Variants in ASIC2 observed in about 807,000 individuals in gnomAD.
ASIC2 encodes the protein acid-sensing ion channel 2.
In ASIC2, 25 loss-of-function variants were observed where a neutral mutation model predicts 57.3. That is an observed-to-expected ratio of 0.44 (90% confidence interval 0.32 to 0.61). ASIC2 has a LOEUF of 0.61. ASIC2 is among the 20% of genes least tolerant of loss of function. The probability of loss-of-function intolerance (pLI) is 0.06; values close to 1 mark genes in which losing one functional copy is unlikely to be tolerated. For synonymous variants in ASIC2, 319 were observed against 307.5 expected, an observed-to-expected ratio of 1.04 and a Z score of -0.39; for missense variants, 641 against 738.1, an observed-to-expected ratio of 0.87 and a Z score of 1.52.
chr17:33,157,660 TTGCCA>T (rs2142035887), intron 1 of ASIC2, among the ~76,000 whole-genome samples: 1 of 152,304 alleles, frequency 6.6e-6, no homozygotes, highest in South Asian at 2.1e-4. Context: ...TGCAAGCAGG[TTGCCA>T]CCTCCCTGCT....
rs115981705 is a variant in ASIC2, at chr17:33,230,748, C to T, written c.708+60660G>A. The stretch of plus-strand genomic sequence containing the variant: ...AAGATGCAACTTTCTCCAGGAAGAA[C>T]GAAGAAAGCAAAGCCCATGAGAAGA... On this transcript the variant is annotated intron_variant, in intron 1 of 9. Transcript: ENST00000225823. Among the ~76,000 whole-genome samples the T allele has an allele frequency of 4.7e-3, 716 of 152,126 alleles. 5 individuals are homozygous for T. The highest frequency in any genetic ancestry group is 0.016 in the African/African-American group (671 of 41,468).
At chr17:33,380,338 CATG>C (rs775529152) in intron 1 of ASIC2, among the ~76,000 whole-genome samples, 9 of 149,412 alleles carry the variant, frequency 6.0e-5, no homozygotes, top group Non-Finnish European at 7.4e-5. Flanking sequence ...TTATCATGTA[CATG>C]ATGATGATGA....
chr17:33,363,409 T>C (rs1405775608), intron 1 of ASIC2, among the ~76,000 whole-genome samples: 2 of 152,182 alleles, frequency 1.3e-5, no homozygotes, highest in Non-Finnish European at 2.9e-5. Flanking sequence ...TTGCTGCAAA[T>C]GAATGTTAGA....
chr17:33,736,503 G>A (rs928232960), intron 1 of ASIC2, among the ~76,000 whole-genome samples: 1 of 152,164 alleles, frequency 6.6e-6, no homozygotes, highest in Non-Finnish European at 1.5e-5. Flanking sequence ...TGGAGACCGT[G>A]AAGATCCCAG....
At chr17:33,407,882 A>G (rs937264011) in intron 1 of ASIC2, among the ~76,000 whole-genome samples, 2 of 152,158 alleles carry the variant, frequency 1.3e-5, no homozygotes, top group Non-Finnish European at 2.9e-5. Context: ...CCAGGCCAGG[A>G]CAGGGAGTGT....
chr17:34,114,186 C>T (rs1911363005), intron 1 of ASIC2, among the ~76,000 whole-genome samples: 1 of 152,220 alleles, frequency 6.6e-6, no homozygotes, highest in South Asian at 2.1e-4. Context: ...GTTGTCCAAG[C>T]TGGCTGATCC....
At chr17:33,319,296 A>G (rs151038444) in intron 1 of ASIC2, among the ~76,000 whole-genome samples, 49 of 152,348 alleles carry the variant, frequency 3.2e-4, no homozygotes, top group African/African-American at 1.1e-3. Flanking sequence ...CATCTTCAGC[A>G]CTGAGGGAGT....
chr17:33,088,949 T>G lies in ASIC2; in HGVS notation c.901A>C (p.Ser301Arg), dbSNP rs1326553897. 2.5e-6 allele frequency: 4 copies of G among 1,614,156 alleles called. No homozygotes were observed. The highest frequency in any genetic ancestry group is 3.4e-6 in the Non-Finnish European group (4 of 1,179,996). Residue 301 changes from serine to arginine, a missense_variant, in exon 3 of 10, where the codon AGT becomes CGT. Ser to Arg is a moderately radical substitution (Grantham distance 110, BLOSUM62 -1). Transcript: ENST00000225823. ...TGGATGAAAGGTGGCTCAGACTGACTGTGGATCTGAACTTTCACTCCTGCT... is the reference window on the plus strand; with the variant it reads ...TGGATGAAAGGTGGCTCAGACTGACGGTGGATCTGAACTTTCACTCCTGCT... ...FEAGVKVQIH[S>R]QSEPPFIQEL...
In ASIC2 at chr17:34,141,209, G is replaced by A. The variant is rs143844909; in HGVS notation, c.555+14769C>T. Among the ~76,000 whole-genome samples the A allele has an allele frequency of 2.5e-3, 382 of 151,898 alleles. 1 individual carries two copies. Among genetic ancestry groups the A allele is most frequent in the African/African-American group, 8.4e-3 (350 of 41,422 alleles). On this transcript the variant is annotated intron_variant, in intron 1 of 9. Transcript: ENST00000359872. ...AAAATCAAGGTAAAACAGAAACATTGTAAGAATAAAGACAGAGTAAGGGGA... is the reference window on the plus strand; with the variant it reads ...AAAATCAAGGTAAAACAGAAACATTATAAGAATAAAGACAGAGTAAGGGGA...
chr17:33,748,431 C>A (rs1398788844), intron 1 of ASIC2, among the ~76,000 whole-genome samples: 1 of 152,210 alleles, frequency 6.6e-6, no homozygotes, highest in Non-Finnish European at 1.5e-5. Flanking sequence ...CAAGAGGAGA[C>A]ACAGTACAGT....
intron 1 of ASIC2, among the ~76,000 whole-genome samples, chr17:33,141,283 C>T (rs574973486): frequency 6.6e-6 from 1 of 152,228 alleles, no homozygotes; most frequent in African/African-American, 2.4e-5. Context: ...GCTCCTGCAG[C>T]CCTGAGGGCT....
intron 1 of ASIC2, among the ~76,000 whole-genome samples, chr17:33,676,120 G>A (rs1266326939): frequency 5.9e-5 from 9 of 152,312 alleles, no homozygotes; most frequent in African/African-American, 2.2e-4. Flanking sequence ...GGGGCACCAT[G>A]AGCCACATCC....
intron 1 of ASIC2, chr17:33,290,960 CCTTT>C (rs886479541): frequency 1.3e-4 from 15 of 116,192 alleles, no homozygotes; most frequent in African/African-American, 4.6e-4. Flanking sequence ...TCAAGCGCTT[CCTTT>C]TTTTTTTTTT....
chr17:34,080,329 T>C (rs768002607), intron 1 of ASIC2, among the ~76,000 whole-genome samples: 34 of 152,188 alleles, frequency 2.2e-4, no homozygotes, highest in Admixed American at 4.6e-4. Context: ...CATTTCCCCA[T>C]GATCTCTCAG....
intron 1 of ASIC2, among the ~76,000 whole-genome samples, chr17:33,122,033 C>T (rs551669901): frequency 1.4e-4 from 22 of 152,306 alleles, no homozygotes; most frequent in African/African-American, 4.6e-4. Flanking sequence ...GATGAGCACC[C>T]ACTTGGCTGC....
chr17:33,970,700 C>T (rs373476080), intron 1 of ASIC2, among the ~76,000 whole-genome samples: 1 of 152,206 alleles, frequency 6.6e-6, no homozygotes, highest in African/African-American at 2.4e-5. Flanking sequence ...TGTAAGCACT[C>T]ATTGAGGCTA....
At chr17:33,046,960 G>A (rs937403051) in intron 3 of ASIC2, among the ~76,000 whole-genome samples, 5 of 152,232 alleles carry the variant, frequency 3.3e-5, no homozygotes, top group East Asian at 1.9e-4. Context: ...CCGGAGCCCA[G>A]GCTCAAGAGC....
intron 1 of ASIC2, among the ~76,000 whole-genome samples, chr17:33,883,630 G>C (rs1010316164): frequency 6.6e-6 from 1 of 152,124 alleles, no homozygotes; most frequent in Non-Finnish European, 1.5e-5. Flanking sequence ...GCACATGTCA[G>C]TTGCCTGCTG....
chr17:33,266,960 C>A (rs1187340009), intron 1 of ASIC2, among the ~76,000 whole-genome samples: 1 of 151,876 alleles, frequency 6.6e-6, no homozygotes, highest in Non-Finnish European at 1.5e-5. Flanking sequence ...TTGGTTGATT[C>A]TGTATTAACT....
Sources: gnomAD v4.1 joint callset for allele counts (sites outside exome capture counted in the v4.1 genomes callset) on GRCh38, gnomAD v4.1.1 for gene constraint, MANE v1.5 for transcripts, NCBI Gene and HGNC (gene_info 2026-07-23, HGNC 2026-07-21) for gene names.